The following GAD2 variants were observed in gnomAD, a reference collection of about 807,000 sequenced individuals.
GAD2 encodes the protein glutamate decarboxylase 2, also known as 65 kDa glutamic acid decarboxylase.
GAD2 carries 22 observed loss-of-function variants against 80.1 expected under a neutral mutation model. That is an observed-to-expected ratio of 0.27 (90% CI 0.20 to 0.39). The LOEUF (loss-of-function observed/expected upper bound fraction) is 0.39. Ranked by LOEUF, GAD2 falls within the 10% of genes least tolerant of loss-of-function variation. The pLI, the probability that GAD2 is intolerant of heterozygous loss-of-function variation, is 1.00. For synonymous variants in GAD2, 274 were observed against 256.9 expected, an observed-to-expected ratio of 1.07 and a Z score of -0.64; for missense variants, 624 against 738.4, an observed-to-expected ratio of 0.85 and a Z score of 1.80.
At chr10:26,247,708 C>A (rs555938808) in intron 8 of GAD2, among the ~76,000 whole-genome samples, 1 of 151,628 alleles carries the variant, frequency 6.6e-6, no homozygotes, top group Non-Finnish European at 1.5e-5. Flanking sequence ...CCAGCCTGGC[C>A]AACATGGTGA....
intron 11 of GAD2, among the ~76,000 whole-genome samples, chr10:26,279,562 T>C (rs1285511494): frequency 6.6e-6 from 1 of 152,170 alleles, no homozygotes; most frequent in African/African-American, 2.4e-5. Context: ...TAAACAGAGA[T>C]AGAAAATAAT....
chr10:26,227,388 C>G (rs184873650), intron 6 of GAD2, among the ~76,000 whole-genome samples: 14 of 152,354 alleles, frequency 9.2e-5, no homozygotes, highest in Non-Finnish European at 1.3e-4. Flanking sequence ...GCCTCTTTCT[C>G]TCACTCAGAG....
In GAD2 at chr10:26,249,723, G is replaced by A. The variant is rs138988844; in HGVS notation, c.920+3723G>A. Among the ~76,000 whole-genome samples the A allele has an allele frequency of 2.8e-3, 421 of 152,356 alleles. 5 individuals are homozygous for A. The highest frequency in any genetic ancestry group is 9.8e-3 in the African/African-American group (406 of 41,584). Reference sequence around the variant, plus strand: ...GGTCTTGGATGAGTCCACCAGGCCAGCTAGGCGGCTCATCATGGGAACAAG... The same window carrying A: ...GGTCTTGGATGAGTCCACCAGGCCAACTAGGCGGCTCATCATGGGAACAAG... On this transcript the variant is annotated intron_variant, in intron 8 of 15. Transcript: ENST00000376261.
intron 7 of GAD2, among the ~76,000 whole-genome samples, chr10:26,243,879 C>T (rs551719526): frequency 1.3e-5 from 2 of 152,246 alleles, no homozygotes; most frequent in South Asian, 4.2e-4. Flanking sequence ...AGCCTGGGAG[C>T]CATACAATAC....
intron 6 of GAD2, 29 bp from the exon 7 acceptor site, chr10:26,229,633 A>G (rs1390560232): frequency 1.4e-6 from 2 of 1,475,638 alleles, no homozygotes. Flanking sequence ...ATAATAAATA[A>G]AGTAACTGCG....
chr10:26,223,276 A>G (rs1844476098), intron 4 of GAD2, among the ~76,000 whole-genome samples: 1 of 152,252 alleles, frequency 6.6e-6, no homozygotes, highest in South Asian at 2.1e-4. Flanking sequence ...AGCTTTGTCC[A>G]TGCCATCTTT....
intron 7 of GAD2, among the ~76,000 whole-genome samples, chr10:26,236,134 G>A (rs1052655278): frequency 6.6e-6 from 1 of 151,926 alleles, no homozygotes; most frequent in Non-Finnish European, 1.5e-5. Context: ...TTATTTTGGA[G>A]ACAGGATTTC....
chr10:26,286,372 C>G lies in GAD2; in HGVS notation c.1264C>G (p.His422Asp). ...ATTGATGCAGAATTGCAACCAAATGCATGCCTCCTACCTCTTTCAGCAAGA... is the reference window on the plus strand; with the variant it reads ...ATTGATGCAGAATTGCAACCAAATGGATGCCTCCTACCTCTTTCAGCAAGA... Reference protein sequence around the residue: ...EGLMQNCNQMHASYLFQQDKH... With the variant: ...EGLMQNCNQMDASYLFQQDKH... The change falls in exon 13 of 16, where the codon CAT becomes GAT. Residue 422 changes from histidine (H) to aspartate (D), a missense_variant. Transcript: ENST00000376261. 1 of 1,613,630 alleles carries G rather than the reference C, an allele frequency of 6.2e-7. No individual in the cohort carries two copies. The highest frequency in any genetic ancestry group is 1.1e-5 in the South Asian group (1 of 90,940).
At chr10:26,291,650 G>A (rs1264745458) in intron 13 of GAD2, among the ~76,000 whole-genome samples, 2 of 152,294 alleles carry the variant, frequency 1.3e-5, no homozygotes, top group South Asian at 4.1e-4. Flanking sequence ...GTGCTTCTGA[G>A]ATGAGCACTG....
chr10:26,253,376 C>T (rs1328840327), intron 8 of GAD2, among the ~76,000 whole-genome samples: 2 of 151,992 alleles, frequency 1.3e-5, no homozygotes, highest in Non-Finnish European at 2.9e-5. Flanking sequence ...TTCATATTTG[C>T]AAAATTTGAA....
chr10:26,270,351 T>A (rs973302091), intron 9 of GAD2, among the ~76,000 whole-genome samples: 1 of 152,200 alleles, frequency 6.6e-6, no homozygotes, highest in South Asian at 2.1e-4. Context: ...AATATATACA[T>A]GTCTCGGGGA....
chr10:26,256,667 C>T (rs1844946888), intron 8 of GAD2, among the ~76,000 whole-genome samples: 1 of 152,132 alleles, frequency 6.6e-6, no homozygotes, highest in Non-Finnish European at 1.5e-5. Flanking sequence ...ATGCATTTGG[C>T]TTAGGACTTT....
rs1834337422 is a variant in GAD2 at position 26,302,430 on chromosome 10, C to T, written c.*1469C>T. 3 of 152,238 alleles carry T rather than the reference C, an allele frequency of 2.0e-5. No homozygotes were observed. Among genetic ancestry groups the T allele is most frequent in the Non-Finnish European group, 4.4e-5 (3 of 68,020 alleles). 9.4% of individuals were successfully genotyped at this position (152,238 alleles called of 1,614,324 possible). A position where few individuals can be genotyped will look rare whatever the true frequency, so the allele number is the denominator to read the frequency against. On this transcript the variant is annotated 3_prime_UTR_variant, in exon 16 of 16. Transcript: ENST00000376261. ...TAAAACATCCTTCTTTCCCTGTGAA[C>T]CTGATAGAAAAACATGAGCTAACAA... is the stretch of plus-strand genomic sequence containing the variant.
intron 10 of GAD2, among the ~76,000 whole-genome samples, chr10:26,272,097 A>G (rs1383920406): frequency 6.6e-6 from 1 of 152,152 alleles, no homozygotes; most frequent in Non-Finnish European, 1.5e-5. Flanking sequence ...GAAAATTTCC[A>G]CAGGCTTAGC....
At chr10:26,297,174 A>G (rs12248404) in intron 15 of GAD2, among the ~76,000 whole-genome samples, 35,706 of 151,870 alleles carry the variant, frequency 0.24, 4,667 homozygotes, top group African/African-American at 0.35. Context: ...TGATCGGCTC[A>G]CCTCGGCCTC....
rs1834325806 is a variant in GAD2, at chr10:26,301,113, C to A, written c.*152C>A. The A allele has an allele frequency of 1.1e-5, 7 of 654,698 alleles. No individual in the cohort carries two copies. Among genetic ancestry groups the A allele is most frequent in the Non-Finnish European group, 1.8e-5 (7 of 389,880 alleles). 40.6% of individuals were successfully genotyped at this position (654,698 alleles called of 1,614,324 possible). A position where few individuals can be genotyped will look rare whatever the true frequency, so the allele number is the denominator to read the frequency against. Reference sequence around the variant, plus strand: ...TAAAAATTAAACAAAAAAGACATTGCTCCTTTTAAAAGTCCTTTCTTAAGT... The same window carrying A: ...TAAAAATTAAACAAAAAAGACATTGATCCTTTTAAAAGTCCTTTCTTAAGT... On this transcript the variant is annotated 3_prime_UTR_variant, in exon 16 of 16. Coordinates refer to ENST00000376261, the MANE Select transcript of GAD2 (RefSeq NM_001134366.2).
intron 12 of GAD2, among the ~76,000 whole-genome samples, chr10:26,285,513 T>G (rs552089512): frequency 6.6e-6 from 1 of 152,382 alleles, no homozygotes; most frequent in South Asian, 2.1e-4. Context: ...GAAGAGACTG[T>G]CGATACTATT....
At chr10:26,235,454 T>TTTGC (rs1844659960) in intron 7 of GAD2, among the ~76,000 whole-genome samples, 1 of 152,216 alleles carries the variant, frequency 6.6e-6, no homozygotes, top group Non-Finnish European at 1.5e-5. Context: ...CGACTAGAGC[T>TTTGC]TTGCTTATCT....
intron 15 of GAD2, among the ~76,000 whole-genome samples, chr10:26,295,158 C>T (rs1318489470): frequency 1.3e-5 from 2 of 151,986 alleles, no homozygotes; most frequent in African/African-American, 4.8e-5. Context: ...TCAAATGCCT[C>T]CTAGGTTTCA....
Sources: gnomAD v4.1 joint callset for allele counts (sites outside exome capture counted in the v4.1 genomes callset) on GRCh38, gnomAD v4.1.1 for gene constraint, MANE v1.5 for transcripts, NCBI Gene and HGNC (gene_info 2026-07-23, HGNC 2026-07-21) for gene names.